Variants in MMP24 observed in about 807,000 individuals in gnomAD.
The protein encoded by MMP24 is matrix metallopeptidase 24.
Under a neutral mutation model 62.8 loss-of-function variants are expected in MMP24, and 25 were observed. That is an observed-to-expected ratio of 0.40 (90% CI 0.29 to 0.56). The LOEUF is 0.56. Among genes scored for constraint, MMP24 ranks in the 20% least tolerant of loss-of-function variants. The probability of loss-of-function intolerance (pLI) is 0.50; values close to 1 mark genes in which losing one functional copy is unlikely to be tolerated. For missense variants in MMP24, 634 were observed against 853.6 expected (o/e 0.74, Z 3.21); for synonymous variants, 319 against 350.5 (o/e 0.91, Z 1.00).
At position 35,226,975 on chromosome 20, in the gene MMP24, C is replaced by A. The variant is rs1302570759; in HGVS notation, c.237C>A (p.Phe79Leu). ...VARADEAEAP[F>L]AGQNWLKSYG... is the part of the protein sequence containing the mutation. ...GGGCGGACGAGGCGGAGGCGCCCTTCGCCGGGCAGGTGGGGCTGGCGCGCG... is the reference window on the plus strand; with the variant it reads ...GGGCGGACGAGGCGGAGGCGCCCTTAGCCGGGCAGGTGGGGCTGGCGCGCG... Residue 79 changes from phenylalanine to leucine, a missense_variant, in exon 1 of 9, where the codon TTC (phenylalanine) becomes TTA (leucine). Coordinates refer to ENST00000246186, the MANE Select transcript of MMP24 (RefSeq NM_006690.4). 1.0e-6 allele frequency: 1 copy of A among 979,832 alleles called. No individual in the cohort carries two copies. Among genetic ancestry groups the A allele is most frequent in the Non-Finnish European group, 1.2e-6 (1 of 827,776 alleles). The allele number at this position is 979,832 out of a possible 1,614,324, so 60.7% of individuals were successfully genotyped here.
Position 35,254,626 on chromosome 20 carries a change from G to A in MMP24, c.689G>A (p.Gly230Asp). The A allele has an allele frequency of 6.2e-7, 1 of 1,614,206 alleles. No individual in the cohort carries two copies. Among genetic ancestry groups the A allele is most frequent in the East Asian group, 2.2e-5 (1 of 44,876 alleles). The part of the protein sequence containing the change: ...IMIFFASGFH[G>D]DSSPFDGEGG... ...ATCTTTTTTGCTTCTGGTTTCCATG[G>A]CGACAGCTCCCCATTTGATGGAGAA... Residue 230 changes from glycine to aspartate, a missense_variant, in exon 4 of 9, where the codon GGC (glycine) becomes GAC (aspartate). This residue lies in a region of MMP24 where 23 missense variants were observed against 63.1 expected (regional missense o/e 0.36). Coordinates refer to ENST00000246186, the MANE Select transcript of MMP24 (RefSeq NM_006690.4).
chr20:35,272,796 C>A (rs1283377706), intron 8 of MMP24, among the ~76,000 whole-genome samples: 1 of 152,162 alleles, frequency 6.6e-6, no homozygotes, highest in Non-Finnish European at 1.5e-5. Context: ...TGAATCTGAG[C>A]AAATCTTTAA....
intron 8 of MMP24, among the ~76,000 whole-genome samples, chr20:35,272,953 A>T (rs764400721): frequency 2.0e-5 from 3 of 152,210 alleles, no homozygotes; most frequent in Non-Finnish European, 4.4e-5. Flanking sequence ...TTTAGCTGCT[A>T]TCGTCATCAT....
intron 5 of MMP24, among the ~76,000 whole-genome samples, chr20:35,265,230 C>T (rs1357109188): frequency 3.3e-5 from 5 of 152,176 alleles, no homozygotes; most frequent in Non-Finnish European, 7.3e-5. Context: ...TACCTGAGGT[C>T]AGGAGTTCAA....
At chr20:35,246,803 C>T (rs1381815154) in intron 1 of MMP24, 37 bp from the exon 2 acceptor site, 1 of 1,610,902 alleles carries the variant, frequency 6.2e-7, no homozygotes, top group East Asian at 2.2e-5. Flanking sequence ...GAGCCTTTCC[C>T]AGCATAACGC....
chr20:35,250,091 T>A (rs2060536726), intron 2 of MMP24, among the ~76,000 whole-genome samples: 1 of 152,138 alleles, frequency 6.6e-6, no homozygotes, highest in Non-Finnish European at 1.5e-5. Context: ...TAGCTGGGAC[T>A]ACAGGCACAT....
intron 2 of MMP24, among the ~76,000 whole-genome samples, chr20:35,248,450 C>T (rs1332312236): frequency 2.6e-5 from 4 of 151,984 alleles, no homozygotes; most frequent in Non-Finnish European, 5.9e-5. Flanking sequence ...AGATTACAGG[C>T]ATGTACCACC....
chr20:35,235,509 A>G (rs1441752953), intron 1 of MMP24, among the ~76,000 whole-genome samples: 1 of 152,190 alleles, frequency 6.6e-6, no homozygotes, highest in African/African-American at 2.4e-5. Context: ...CAGCCTGGCC[A>G]ATAGGGTGAA....
intron 1 of MMP24, among the ~76,000 whole-genome samples, chr20:35,241,101 A>G (rs1200786463): frequency 6.6e-6 from 1 of 152,204 alleles, no homozygotes; most frequent in Non-Finnish European, 1.5e-5. Flanking sequence ...GAGGCAGCAG[A>G]AACAGCCTGG....
rs372863391 is a variant in MMP24, at chr20:35,261,021, C to T, written c.818-2770C>T. On this transcript the variant is annotated intron_variant, in intron 4 of 8. Coordinates refer to ENST00000246186, the MANE Select transcript of MMP24 (RefSeq NM_006690.4). ...AATGGGCCGAGCCATGCCTTAGGGC[C>T]AGAAGATAAGAGGCAGGGCTCAAGG... Among the ~76,000 whole-genome samples the T allele has an allele frequency of 5.9e-5, 9 of 152,252 alleles. No individual in the cohort carries two copies. In the East Asian group the frequency reaches 1.3e-3, roughly 23 times the overall value.
At chr20:35,260,718 C>T (rs1024351733) in intron 4 of MMP24, among the ~76,000 whole-genome samples, 5 of 152,372 alleles carry the variant, frequency 3.3e-5, no homozygotes, top group Admixed American at 2.0e-4. Context: ...TTTTGGCCAA[C>T]CTTGCACTGA....
chr20:35,268,735 G>A (rs2060648944), intron 6 of MMP24, among the ~76,000 whole-genome samples: 1 of 152,192 alleles, frequency 6.6e-6, no homozygotes, highest in African/African-American at 2.4e-5. Flanking sequence ...TAAGAAAACT[G>A]AGGCCTGGAG....
chr20:35,251,863 C>T (rs1414532193), intron 2 of MMP24, 42 bp from the exon 3 acceptor site: 10 of 1,499,852 alleles, frequency 6.7e-6, no homozygotes, highest in Non-Finnish European at 8.4e-6. Flanking sequence ...TGTTCAGTGA[C>T]CACAGTGCAT....
chr20:35,250,617 A>G (rs1240977027), intron 2 of MMP24, among the ~76,000 whole-genome samples: 1 of 152,160 alleles, frequency 6.6e-6, no homozygotes, highest in East Asian at 1.9e-4. Context: ...GTAATTTATA[A>G]AGAAAAGAGG....
At chr20:35,263,608 T>A (rs1426661339) in intron 4 of MMP24, 183 bp from the exon 5 acceptor site, 1 of 456,402 alleles carries the variant, frequency 2.2e-6, no homozygotes, top group African/African-American at 2.0e-5. Context: ...TCTCTCTCCT[T>A]GTCCCTGCTC....
intron 1 of MMP24, among the ~76,000 whole-genome samples, chr20:35,233,551 A>C (rs960423961): frequency 6.6e-5 from 10 of 152,188 alleles, no homozygotes; most frequent in Non-Finnish European, 1.0e-4. Flanking sequence ...TGAAATATTG[A>C]ATAATAAAAA....
intron 1 of MMP24, among the ~76,000 whole-genome samples, chr20:35,246,305 A>AG (rs2060514459): frequency 6.6e-6 from 1 of 151,726 alleles, no homozygotes; most frequent in Admixed American, 6.6e-5. Context: ...AAAAAAAAAA[A>AG]AATACAAAAA....
chr20:35,227,155 G>A (rs1193192569), intron 1 of MMP24, among the ~76,000 whole-genome samples, 171 bp downstream of exon 1: 3 of 150,812 alleles, frequency 2.0e-5, no homozygotes, highest in African/African-American at 7.3e-5. Flanking sequence ...GCGGGGGCTG[G>A]GGAGGGCCTC....
Position 35,246,489 on chromosome 20 carries a change from G to C in MMP24, c.247-351G>C, listed in dbSNP as rs768241990. On this transcript the variant is annotated intron_variant, in intron 1 of 8. Transcript: ENST00000246186. ...GGACTCCGTCTCAAAAAATAAAAAA[G>C]AATTAACCATGCTGTGCTTTTCCAG... Among the ~76,000 whole-genome samples, 3 of 151,996 alleles carry C rather than the reference G, an allele frequency of 2.0e-5. 1 individual carries two copies. In the South Asian group the frequency reaches 6.2e-4, roughly 32 times the overall value.
Sources: gnomAD v4.1 joint callset for allele counts (sites outside exome capture counted in the v4.1 genomes callset) on GRCh38, gnomAD v4.1.1 for gene constraint, gnomAD v4.1.1 regional missense constraint, MANE v1.5 for transcripts, NCBI Gene and HGNC (gene_info 2026-07-23, HGNC 2026-07-21) for gene names.